AGMO: variants seen among roughly 807,000 people sequenced by gnomAD.
AGMO encodes the protein alkylglycerol monooxygenase.
In AGMO, 75 loss-of-function variants were observed where a neutral mutation model predicts 60.2. The ratio of observed to expected loss-of-function variants is 1.25; its 90% confidence interval spans 1.03 to 1.51. The LOEUF (loss-of-function observed/expected upper bound fraction) is 1.51, where lower values mean the gene tolerates loss of function less well. Among genes scored for constraint, AGMO ranks in the 40% most tolerant of loss-of-function variants. The probability of loss-of-function intolerance (pLI) is 0.00; values close to 1 mark genes in which losing one functional copy is unlikely to be tolerated. For synonymous variants in AGMO, 261 were observed against 177.1 expected (o/e 1.47, Z -3.76); for missense variants, 763 against 525.5 (o/e 1.45, Z -4.42).
At chr7:15,178,506 G>C in the AGMO span, among the ~76,000 whole-genome samples, 1 of 151,952 alleles carries the variant, frequency 6.6e-6, no homozygotes, top group African/African-American at 2.4e-5. Context: ...TTGTTGTTTT[G>C]TTGTCCTGCT....
intron 12 of AGMO, among the ~76,000 whole-genome samples, chr7:15,217,729 A>C (rs1583299739): frequency 6.8e-6 from 1 of 146,072 alleles, no homozygotes; most frequent in Admixed American, 6.8e-5. Flanking sequence ...GTTAAAATGA[A>C]AAATACAGTG....
At chr7:15,241,070 T>A (rs957524617) in intron 12 of AGMO, among the ~76,000 whole-genome samples, 1 of 152,078 alleles carries the variant, frequency 6.6e-6, no homozygotes, top group African/African-American at 2.4e-5. Flanking sequence ...ATCATCAATA[T>A]CAGGGAAAGT....
chr7:15,444,941 C>T (rs748791496), intron 3 of AGMO, among the ~76,000 whole-genome samples: 1 of 152,126 alleles, frequency 6.6e-6, no homozygotes, highest in Non-Finnish European at 1.5e-5. Context: ...TCACCCAGGC[C>T]AGGGAGCTGA....
chr7:15,558,255 G>C (rs1785203992), intron 2 of AGMO, among the ~76,000 whole-genome samples: 1 of 152,048 alleles, frequency 6.6e-6, no homozygotes, highest in African/African-American at 2.4e-5. Flanking sequence ...ATTCTGAAGA[G>C]TTCATTCAAT....
At chr7:15,390,352 A>C in intron 8 of AGMO, among the ~76,000 whole-genome samples, 1 of 152,288 alleles carries the variant, frequency 6.6e-6, no homozygotes. Flanking sequence ...AGCCTTAATT[A>C]TACATGTTAC....
At chr7:15,238,503 G>T (rs543101137) in intron 12 of AGMO, among the ~76,000 whole-genome samples, 1 of 151,528 alleles carries the variant, frequency 6.6e-6, no homozygotes, top group Non-Finnish European at 1.5e-5. Flanking sequence ...ATTATACACA[G>T]GTATCAAAAT....
At chr7:15,169,216 ACTTTT>A in the AGMO span, among the ~76,000 whole-genome samples, 2 of 152,158 alleles carry the variant, frequency 1.3e-5, no homozygotes. Flanking sequence ...ACCAGAACAT[ACTTTT>A]GGCTTTGCAA....
At chr7:15,493,797 C>T (rs1425874869) in intron 3 of AGMO, among the ~76,000 whole-genome samples, 3 of 152,152 alleles carry the variant, frequency 2.0e-5, no homozygotes, top group Non-Finnish European at 4.4e-5. Flanking sequence ...CCAGTACAAT[C>T]TTCAAAATCA....
At chr7:15,507,645 T>G (rs1175730723) in intron 3 of AGMO, among the ~76,000 whole-genome samples, 2 of 152,142 alleles carry the variant, frequency 1.3e-5, no homozygotes, top group African/African-American at 4.8e-5. Context: ...ATTTAAAAAC[T>G]AAGCCACAAG....
intron 3 of AGMO, among the ~76,000 whole-genome samples, chr7:15,495,207 C>T (rs17614859): frequency 0.1 from 15,288 of 152,234 alleles, 1,013 homozygotes; most frequent in Non-Finnish European, 0.15. Context: ...AACATTTTAT[C>T]ACCTTAAGCT....
rs1464589406 is a variant in AGMO at position 15,202,458 on chromosome 7, C to A, written c.1264-1099G>T. 5.1e-4 allele frequency among the ~76,000 whole-genome samples: 23 copies of A among 45,366 alleles called. No individual in the cohort carries two copies. In the East Asian group the frequency reaches 0.015, roughly 30 times the overall value. 29.8% of individuals were successfully genotyped at this position (45,366 alleles called of 152,430 possible). A position where few individuals can be genotyped will look rare whatever the true frequency, so the allele number is the denominator to read the frequency against. On this transcript the variant is annotated intron_variant, in intron 12 of 12. Coordinates refer to ENST00000342526, the MANE Select transcript of AGMO (RefSeq NM_001004320.2). ...CACCAACAACCAAAATACAAATGAG[C>A]AAAAAAAAAAAAAAAAAAAAAAAAA...
At chr7:15,500,153 T>A (rs1407616676) in intron 3 of AGMO, among the ~76,000 whole-genome samples, 1 of 151,796 alleles carries the variant, frequency 6.6e-6, no homozygotes, top group African/African-American at 2.4e-5. Flanking sequence ...GTAAAAGCAA[T>A]TCTTAAAAAT....
intron 2 of AGMO, among the ~76,000 whole-genome samples, chr7:15,558,770 T>A (rs1785223222): frequency 6.6e-6 from 1 of 152,172 alleles, no homozygotes; most frequent in Admixed American, 6.6e-5. Flanking sequence ...TTTACTTTTA[T>A]TTAAACTATT....
intron 12 of AGMO, among the ~76,000 whole-genome samples, chr7:15,355,060 T>TG (rs1404944351): frequency 6.6e-6 from 1 of 152,094 alleles, no homozygotes; most frequent in Non-Finnish European, 1.5e-5. Context: ...CATAGTACCA[T>TG]GGACATAGAT....
intron 12 of AGMO, among the ~76,000 whole-genome samples, chr7:15,293,994 T>C (rs985790795): frequency 6.6e-6 from 1 of 152,124 alleles, no homozygotes; most frequent in Non-Finnish European, 1.5e-5. Flanking sequence ...GGAGAGTTTA[T>C]AGCTTAACAG....
chr7:15,243,423 A>C (rs2128503702), intron 12 of AGMO, among the ~76,000 whole-genome samples: 1 of 152,244 alleles, frequency 6.6e-6, no homozygotes, highest in Non-Finnish European at 1.5e-5. Context: ...GCAAAAAGTT[A>C]AATCAATCCA....
chr7:15,340,963 A>G (rs900920036), intron 12 of AGMO, among the ~76,000 whole-genome samples: 3 of 152,120 alleles, frequency 2.0e-5, no homozygotes, highest in South Asian at 4.1e-4. Context: ...CCAGCCAATG[A>G]AAGCAGCTAG....
the AGMO span, among the ~76,000 whole-genome samples, chr7:15,186,736 T>G: frequency 6.6e-6 from 1 of 152,168 alleles, no homozygotes; most frequent in Non-Finnish European, 1.5e-5. Flanking sequence ...TTCAGTTGGA[T>G]GTTTGGGCCT....
the AGMO span, among the ~76,000 whole-genome samples, chr7:15,164,130 G>A: frequency 7.0e-4 from 107 of 152,092 alleles, no homozygotes; most frequent in African/African-American, 2.4e-3. Flanking sequence ...CAAAGTCAAC[G>A]AAAATATAGA....
Sources: allele counts gnomAD v4.1 joint callset (sites outside exome capture counted in the v4.1 genomes callset), GRCh38; gene constraint gnomAD v4.1.1; transcripts MANE v1.5; gene names NCBI Gene and HGNC (gene_info 2026-07-23, HGNC 2026-07-21).